EVL: variants seen among roughly 807,000 people sequenced by gnomAD.
The protein encoded by EVL is ena/VASP-like protein.
Under a neutral mutation model 59.6 loss-of-function variants are expected in EVL, and 21 were observed. That is an observed-to-expected ratio of 0.35 (90% CI 0.25 to 0.51). The LOEUF is 0.51. Among genes scored for constraint, EVL ranks in the 20% least tolerant of loss-of-function variants. EVL has a pLI of 0.97. For synonymous variants in EVL, 198 were observed against 203.5 expected (o/e 0.97, Z 0.23); for missense variants, 462 against 546.6 (o/e 0.85, Z 1.54).
chr14:100,029,362 T>C (rs971342515), intron 1 of EVL, among the ~76,000 whole-genome samples: 14 of 152,328 alleles, frequency 9.2e-5, no homozygotes, highest in African/African-American at 3.4e-4. Context: ...GGTAGGGATG[T>C]GGGAGGGCCC....
intron 1 of EVL, among the ~76,000 whole-genome samples, chr14:100,079,809 G>A (rs1461985807): frequency 6.6e-6 from 1 of 152,150 alleles, no homozygotes; most frequent in African/African-American, 2.4e-5. Flanking sequence ...CAGGGGCACA[G>A]AGCCTGAACT....
rs1888171130 is a variant in EVL at position 100,127,769 on chromosome 14, C to T, written c.488-750C>T. ...CGTCTTCCATGAACTTCTGGCCAGG[C>T]TGGAGCCCCTCTTTGTATGCCAACA... On this transcript the variant is annotated intron_variant, in intron 5 of 13. Coordinates refer to ENST00000392920, the MANE Select transcript of EVL (RefSeq NM_016337.3). The surrounding 1 kb of genome is among the most constrained non-coding windows in gnomAD (Gnocchi z 4.2). Among the ~76,000 whole-genome samples the T allele has an allele frequency of 6.6e-6, 1 of 152,242 alleles. No individual in the cohort carries two copies. The highest frequency in any genetic ancestry group is 6.5e-5 in the Admixed American group (1 of 15,288).
intron 1 of EVL, among the ~76,000 whole-genome samples, chr14:99,980,147 C>T (rs550425290): frequency 4.6e-5 from 7 of 152,290 alleles, no homozygotes; most frequent in East Asian, 1.9e-4. Flanking sequence ...GAACCAGTCT[C>T]CTGTGGATAC....
chr14:100,089,815 C>G (rs1432045015), intron 2 of EVL, among the ~76,000 whole-genome samples: 1 of 152,092 alleles, frequency 6.6e-6, no homozygotes, highest in Admixed American at 6.6e-5. Context: ...TGCCTGTAGT[C>G]CTTGCTACTC....
chr14:100,141,368 C>T (rs1427931196), intron 12 of EVL, 122 bp downstream of exon 12: 1 of 1,029,158 alleles, frequency 9.7e-7, no homozygotes, highest in African/African-American at 1.6e-5. Context: ...AAAGGCCAGT[C>T]AGGGAGCAGC....
chr14:99,986,234 G>A (rs1170964031), intron 1 of EVL, among the ~76,000 whole-genome samples: 1 of 148,316 alleles, frequency 6.7e-6, no homozygotes, highest in African/African-American at 2.5e-5. Context: ...GGAGGTTGTG[G>A]TGAGCTGAAA....
chr14:100,141,945 G>A (rs781450892), intron 13 of EVL, 152 bp downstream of exon 13: 171 of 592,454 alleles, frequency 2.9e-4, no homozygotes, highest in Non-Finnish European at 4.4e-4. Flanking sequence ...TCTAGTTGAG[G>A]AAACAGGCTC....
intron 7 of EVL, 133 bp downstream of exon 7, chr14:100,129,817 GT>G: frequency 7.6e-7 from 1 of 1,314,144 alleles, no homozygotes; most frequent in Non-Finnish European, 1.0e-6. Context: ...AGGGGAAACT[GT>G]TACTTAAGTT....
At chr14:99,979,429 T>C (rs184140774) in intron 1 of EVL, among the ~76,000 whole-genome samples, 22 of 152,326 alleles carry the variant, frequency 1.4e-4, no homozygotes, top group Admixed American at 1.2e-3. Context: ...GATTTTTCCA[T>C]ATTTCTGACA....
intron 7 of EVL, among the ~76,000 whole-genome samples, chr14:100,131,474 G>A (rs8010989): frequency 0.076 from 11,621 of 152,228 alleles, 963 homozygotes; most frequent in African/African-American, 0.2. Context: ...GTTGTCTCCC[G>A]CCTCTGAGGG....
chr14:100,066,994 T>C (rs761586123), intron 1 of EVL, among the ~76,000 whole-genome samples: 1 of 152,226 alleles, frequency 6.6e-6, no homozygotes, highest in African/African-American at 2.4e-5. Flanking sequence ...TACACTAATC[T>C]AGCCCAGCTC....
Position 99,972,161 on chromosome 14 carries a change from GCGCGGGGGCTTCCAGAGAAC to G in EVL, c.5+115_5+134del, listed in dbSNP as rs1293138175. ...CGAGGGCGGGAGGGGGGCTCCACGG[GCGCGGGGGCTTCCAGAGAAC>G]CGCGGGGGCTCTGCAGAGATTCGGG... On this transcript the variant is annotated intron_variant, in intron 1 of 13. Transcript: ENST00000402714. This position sits in a 1 kb window ranked among gnomAD's most constrained non-coding sequence, Gnocchi z 4.4. The G allele has an allele frequency of 7.9e-6, 2 of 251,900 alleles. No homozygotes were observed. Among genetic ancestry groups the G allele is most frequent in the Non-Finnish European group, 7.6e-6 (1 of 130,916 alleles). The allele number at this position is 251,900 out of a possible 1,614,324, so 15.6% of individuals were successfully genotyped here.
At chr14:100,135,697 C>T (rs929920367) in intron 8 of EVL, 6 of 544,214 alleles carry the variant, frequency 1.1e-5, no homozygotes, top group Non-Finnish European at 1.7e-5. Flanking sequence ...GTAGCCTTCC[C>T]CTTCCCCAGC....
chr14:100,135,258 T>C (rs575746907), intron 8 of EVL: 53 of 152,374 alleles, frequency 3.5e-4, no homozygotes, highest in African/African-American at 1.2e-3. Flanking sequence ...AGCAAAGACC[T>C]CTGCCCACGG....
intron 12 of EVL, 56 bp downstream of exon 12, chr14:100,141,302 G>C: frequency 6.3e-7 from 1 of 1,580,998 alleles, no homozygotes; most frequent in East Asian, 2.2e-5. Context: ...GCAGGCGGGG[G>C]ACCGTCTCTG....
intron 1 of EVL, chr14:99,977,158 A>G (rs2060775896): frequency 6.6e-6 from 1 of 152,250 alleles, no homozygotes; most frequent in Admixed American, 6.5e-5. Context: ...GTATTAGATT[A>G]TCTCTGCCAG....
At chr14:100,085,899 G>A (rs548112099) in intron 2 of EVL, among the ~76,000 whole-genome samples, 4 of 152,292 alleles carry the variant, frequency 2.6e-5, no homozygotes, top group Admixed American at 2.0e-4. Context: ...AGGCCAAGGC[G>A]GGTGGATTAC....
intron 1 of EVL, among the ~76,000 whole-genome samples, chr14:100,074,012 GGGGGCGGGGGGTC>G (rs1225464546): frequency 6.6e-6 from 1 of 151,862 alleles, no homozygotes; most frequent in Non-Finnish European, 1.5e-5. Flanking sequence ...CGGGGGCGGT[GGGGGCGGGGGGTC>G]GGGGAGCAGT....
chr14:100,052,144 A>ACT (rs2061657693), intron 1 of EVL, among the ~76,000 whole-genome samples: 1 of 152,186 alleles, frequency 6.6e-6, no homozygotes, highest in Non-Finnish European at 1.5e-5. Context: ...TGGTTTTAAA[A>ACT]CTAAGAATCC....
Sources: gnomAD v4.1 joint callset for allele counts (sites outside exome capture counted in the v4.1 genomes callset) on GRCh38, gnomAD v4.1.1 for gene constraint, Gnocchi (gnomAD v3.1) non-coding constraint, MANE v1.5 for transcripts, NCBI Gene and HGNC (gene_info 2026-07-23, HGNC 2026-07-21) for gene names.